NSD2: variants seen among roughly 807,000 people sequenced by gnomAD.
The protein encoded by NSD2 is histone-lysine N-methyltransferase NSD2.
In NSD2, 12 loss-of-function variants were observed where a neutral mutation model predicts 139.0. The observed-to-expected ratio is 0.09, with a 90% CI of 0.06 to 0.14. The LOEUF (loss-of-function observed/expected upper bound fraction) is 0.14. NSD2 is among the 10% of genes least tolerant of loss of function. NSD2 has a pLI of 1.00. For missense variants in NSD2, 1,155 were observed against 1,745.0 expected, an observed-to-expected ratio of 0.66 and a Z score of 6.02; for synonymous variants, 669 against 648.7, an observed-to-expected ratio of 1.03 and a Z score of -0.48.
intron 1 of NSD2, among the ~76,000 whole-genome samples, chr4:1,890,366 T>G (rs1304066071): frequency 1.3e-5 from 2 of 152,216 alleles, no homozygotes; most frequent in African/African-American, 4.8e-5. Flanking sequence ...TGGCATGATC[T>G]CGGCTCACTG....
chr4:1,951,885 C>T (rs191089321), intron 10 of NSD2: 14 of 603,426 alleles, frequency 2.3e-5, no homozygotes, highest in Non-Finnish European at 3.3e-5. Flanking sequence ...TTTGCCATTG[C>T]TGAGGACTGG....
chr4:1,967,473 T>G (rs1348790786), intron 18 of NSD2, among the ~76,000 whole-genome samples: 2 of 151,454 alleles, frequency 1.3e-5, no homozygotes, highest in Non-Finnish European at 2.9e-5. Context: ...AGCTACTCAG[T>G]AGGCTGAGGC....
Position 1,908,884 on chromosome 4 carries a change from ATCT to A in NSD2, c.760+4512_760+4514del, listed in dbSNP as rs575836238. 3.9e-3 allele frequency among the ~76,000 whole-genome samples: 592 copies of A among 152,200 alleles called. 1 individual carries two copies. Among genetic ancestry groups the A allele is most frequent in the Non-Finnish European group, 6.6e-3 (447 of 68,010 alleles). ...AGGCTCAAACTCCTGGGCTCAGGTC[ATCT>A]TCTTCCTGCCTTGGCCTCCCAAATT... On this transcript the variant is annotated intron_variant, in intron 3 of 21. Transcript: ENST00000508803.
At chr4:1,883,408 G>T (rs568659914) in intron 1 of NSD2, among the ~76,000 whole-genome samples, 6 of 151,954 alleles carry the variant, frequency 3.9e-5, no homozygotes, top group Non-Finnish European at 7.4e-5. Flanking sequence ...GAGGCAAGCA[G>T]ATCACTTGAG....
intron 20 of NSD2, 96 bp downstream of exon 20, chr4:1,975,496 C>A: frequency 8.5e-7 from 1 of 1,170,284 alleles, no homozygotes; most frequent in Non-Finnish European, 1.2e-6. Context: ...TTCCTCCAGG[C>A]TGGCTTGTTG....
At chr4:1,938,429 T>TC in intron 7 of NSD2, 22 bp from the exon 8 acceptor site, 1 of 1,211,628 alleles carries the variant, frequency 8.3e-7, no homozygotes, top group South Asian at 1.8e-5. Flanking sequence ...TTTTTTTTTT[T>TC]TTTTTTTTTT....
rs200689866 is a variant in NSD2, at chr4:1,953,346, T to C, written c.2160T>C (p.Cys720=). The change falls in exon 12 of 22, where the codon TGT becomes TGC. Residue 720 remains cysteine, a synonymous_variant. Transcript: ENST00000508803. The part of the protein sequence containing the change: ...CASGIHSCFV[C]KESKTDVKRC... Reference sequence around the variant, plus strand: ...TAGGGATTCACTCATGTTTCGTGTGTAAAGAGAGCAAGACAGATGTTAAGC... The same window carrying C: ...TAGGGATTCACTCATGTTTCGTGTGCAAAGAGAGCAAGACAGATGTTAAGC... The C allele has an allele frequency of 1.2e-4, 199 of 1,614,222 alleles. No homozygotes were observed. The highest frequency in any genetic ancestry group is 4.5e-5 in the East Asian group (2 of 44,880).
At chr4:1,896,953 T>A (rs896988607) in intron 1 of NSD2, among the ~76,000 whole-genome samples, 2 of 151,998 alleles carry the variant, frequency 1.3e-5, no homozygotes, top group African/African-American at 4.8e-5. Flanking sequence ...GGTGGATCGC[T>A]TGAGCCCAGG....
At chr4:1,929,395 T>C (rs1721358822) in intron 5 of NSD2, among the ~76,000 whole-genome samples, 1 of 152,120 alleles carries the variant, frequency 6.6e-6, no homozygotes, top group Admixed American at 6.5e-5. Flanking sequence ...GGTGGAGTGT[T>C]ACTGCCCCCG....
Position 1,958,150 on chromosome 4 carries a change from T to C in NSD2, c.2985+114T>C. 9 of 1,052,316 alleles carry C rather than the reference T, an allele frequency of 8.6e-6. No individual in the cohort carries two copies. The highest frequency in any genetic ancestry group is 1.3e-5 in the Non-Finnish European group (9 of 711,664). 65.2% of individuals were successfully genotyped at this position (1,052,316 alleles called of 1,614,324 possible). A position where few individuals can be genotyped will look rare whatever the true frequency, so the allele number is the denominator to read the frequency against. ...GGGAGAGGACTGTCACCAGCCAGGATCTGTGGTGCCTGGCATGGATGGCCA... is the reference window on the plus strand; with the variant it reads ...GGGAGAGGACTGTCACCAGCCAGGACCTGTGGTGCCTGGCATGGATGGCCA... On this transcript the variant is annotated intron_variant, in intron 16 of 21. Coordinates refer to ENST00000508803, the MANE Select transcript of NSD2 (RefSeq NM_001042424.3). The surrounding 1 kb of genome is among the most constrained non-coding windows in gnomAD (Gnocchi z 4.6).
intron 4 of NSD2, 63 bp downstream of exon 4, chr4:1,917,100 CTTAT>C (rs1719492868): frequency 4.9e-6 from 7 of 1,439,038 alleles, no homozygotes; most frequent in Non-Finnish European, 6.5e-6. Context: ...TTTAAGTTAA[CTTAT>C]TTTTGTTTTG....
chr4:1,880,049 T>C lies in NSD2; in HGVS notation c.-30+8507T>C, dbSNP rs188821762. Among the ~76,000 whole-genome samples the C allele has an allele frequency of 2.2e-3, 333 of 152,302 alleles. 4 individuals carry two copies. Among genetic ancestry groups the C allele is most frequent in the Non-Finnish European group, 3.7e-4 (25 of 68,026 alleles). The stretch of plus-strand genomic sequence containing the variant: ...AAGTAGAGATAGTTTTTGGGTATTA[T>C]TCTGTTTTCCTAATGATTTTTATTT... On this transcript the variant is annotated intron_variant, in intron 1 of 21. Coordinates refer to ENST00000508803, the MANE Select transcript of NSD2 (RefSeq NM_001042424.3).
chr4:1,932,108 A>G (rs1003324755), intron 6 of NSD2, among the ~76,000 whole-genome samples: 3 of 152,122 alleles, frequency 2.0e-5, no homozygotes, highest in Admixed American at 6.5e-5. Context: ...GGCGCACCAC[A>G]TCATTGTCAC....
intron 1 of NSD2, among the ~76,000 whole-genome samples, chr4:1,895,108 C>T (rs974962675): frequency 6.6e-6 from 1 of 152,214 alleles, no homozygotes; most frequent in Non-Finnish European, 1.5e-5. Flanking sequence ...AAGCAGATAT[C>T]AGCATTTCCT....
chr4:1,978,008 TC>T (rs1009980256), intron 21 of NSD2, among the ~76,000 whole-genome samples: 1 of 151,226 alleles, frequency 6.6e-6, no homozygotes, highest in Non-Finnish European at 1.5e-5. Flanking sequence ...GCGCCTGTAA[TC>T]CTGGCTACTC....
Position 1,972,818 on chromosome 4 carries a change from T to G in NSD2, c.3373-2045T>G, listed in dbSNP as rs141196625. 9.1e-3 allele frequency among the ~76,000 whole-genome samples: 1,382 copies of G among 152,254 alleles called. 20 individuals carry two copies. The highest frequency in any genetic ancestry group is 0.032 in the African/African-American group (1,333 of 41,538). On this transcript the variant is annotated intron_variant, in intron 18 of 21. Transcript: ENST00000508803. The surrounding 1 kb of genome is among the most constrained non-coding windows in gnomAD (Gnocchi z 4.0). ...AAGACATTGTGCACGGAAGATTCCA[T>G]TGGGAGCTGGGAAGCTATGGGAAAG...
At position 1,942,255 on chromosome 4, in the gene NSD2, A is replaced by T; in HGVS notation, c.1881+2477A>T. 2.5e-6 allele frequency: 4 copies of T among 1,577,518 alleles called. No homozygotes were observed. Among genetic ancestry groups the T allele is most frequent in the Non-Finnish European group, 2.6e-6 (3 of 1,164,138 alleles). On this transcript the variant is annotated intron_variant, in intron 9 of 21. Coordinates refer to ENST00000508803, the MANE Select transcript of NSD2 (RefSeq NM_001042424.3). The surrounding 1 kb of genome is among the most constrained non-coding windows in gnomAD (Gnocchi z 4.0). Reference sequence around the variant, plus strand: ...CATGACAAAGGCCTGTGAAGGAATTAATGTGATTTAAGTGTTTTGTAACTT... The same window carrying T: ...CATGACAAAGGCCTGTGAAGGAATTTATGTGATTTAAGTGTTTTGTAACTT...
At chr4:1,927,882 G>A (rs570210134) in intron 5 of NSD2, among the ~76,000 whole-genome samples, 1 of 151,644 alleles carries the variant, frequency 6.6e-6, no homozygotes, top group South Asian at 2.1e-4. Context: ...ATGTTTTTTT[G>A]GTATGTTTTA....
At chr4:1,912,066 C>A in intron 3 of NSD2, 1 of 358,516 alleles carries the variant, frequency 2.8e-6, no homozygotes, top group Non-Finnish European at 5.5e-6. Flanking sequence ...AGTCACAAAT[C>A]CCTTGACATA....
Sources: allele counts gnomAD v4.1 joint callset (sites outside exome capture counted in the v4.1 genomes callset), GRCh38; gene constraint gnomAD v4.1.1; non-coding constraint Gnocchi (gnomAD v3.1); transcripts MANE v1.5; gene names NCBI Gene and HGNC (gene_info 2026-07-23, HGNC 2026-07-21).